FAM81A: variants seen among roughly 807,000 people sequenced by gnomAD.
The protein encoded by FAM81A is protein FAM81A.
A neutral mutation model predicts 46.7 loss-of-function variants in FAM81A; 19 were observed. That is an observed-to-expected ratio of 0.41 (90% CI 0.28 to 0.60). The LOEUF (loss-of-function observed/expected upper bound fraction) is 0.60, where lower values mean the gene tolerates loss of function less well. FAM81A is among the 20% of genes least tolerant of loss of function. The pLI, the probability that FAM81A is intolerant of heterozygous loss-of-function variation, is 0.34. For missense variants in FAM81A, 377 were observed against 453.5 expected, an observed-to-expected ratio of 0.83 and a Z score of 1.53; for synonymous variants, 183 against 152.9, an observed-to-expected ratio of 1.20 and a Z score of -1.45.
rs796163877 is a variant in FAM81A at position 59,421,729 on chromosome 15, G to GTCTATCTATCTA, written c.-78+19375_-78+19386dup. On this transcript the variant is annotated intron_variant, in intron 2 of 4. Transcript: ENST00000558348. ...AAACTATCTATCTGTCTGTCTGTCT[G>GTCTATCTATCTA]TCTATCTATCTATCTGTCTATCTAT... Among the ~76,000 whole-genome samples the GTCTATCTATCTA allele has an allele frequency of 7.4e-4, 96 of 128,970 alleles. 2 individuals are homozygous for GTCTATCTATCTA. The highest frequency in any genetic ancestry group is 1.1e-3 in the African/African-American group (35 of 31,494). The allele number at this position is 128,970 out of a possible 152,430, so 84.6% of individuals were successfully genotyped here. A position where few individuals can be genotyped will look rare whatever the true frequency, so the allele number is the denominator to read the frequency against.
chr15:59,472,181 C>G (rs1057294061), intron 3 of FAM81A, among the ~76,000 whole-genome samples: 16 of 152,066 alleles, frequency 1.1e-4, no homozygotes, highest in African/African-American at 3.9e-4. Flanking sequence ...GAATTTAAAA[C>G]CTGAGCAGGC....
intron 1 of FAM81A, among the ~76,000 whole-genome samples, chr15:59,449,237 A>G (rs1233921767): frequency 6.6e-6 from 1 of 151,818 alleles, no homozygotes; most frequent in East Asian, 1.9e-4. Context: ...TCCCCTTTGA[A>G]CTCTTGGTTT....
At chr15:59,477,045 A>G (rs1596506492) in intron 3 of FAM81A, among the ~76,000 whole-genome samples, 2 of 149,786 alleles carry the variant, frequency 1.3e-5, no homozygotes, top group South Asian at 2.2e-4. Flanking sequence ...ACTTGAACCC[A>G]GGAGGCGGAG....
At chr15:59,443,814 T>C (rs776187561) in intron 1 of FAM81A, among the ~76,000 whole-genome samples, 32 of 152,292 alleles carry the variant, frequency 2.1e-4, no homozygotes, top group East Asian at 1.9e-4. Flanking sequence ...GGGGCAGTTA[T>C]GGAGTGAAGG....
At chr15:59,520,563 A>ATTTTTTTTTTTTTTTTTTTTTTTTTT (rs71119482) in intron 8 of FAM81A, among the ~76,000 whole-genome samples, 1 of 122,250 alleles carries the variant, frequency 8.2e-6, no homozygotes, top group Non-Finnish European at 1.8e-5. Flanking sequence ...TGTTTGCTTC[A>ATTTTTTTTTTTTTTTTTTTTTTTTTT]TTTTTTTTTT....
chr15:59,472,067 AT>A (rs1475879076), intron 3 of FAM81A, among the ~76,000 whole-genome samples: 1 of 152,152 alleles, frequency 6.6e-6, no homozygotes, highest in Admixed American at 6.5e-5. Flanking sequence ...CTTTCATTGA[AT>A]ACAAACTGGG....
chr15:59,450,100 T>TTTC (rs2081400690), intron 1 of FAM81A, among the ~76,000 whole-genome samples: 1 of 48,164 alleles, frequency 2.1e-5, no homozygotes, highest in African/African-American at 1.5e-4. Flanking sequence ...TTTTTCTTTC[T>TTTC]TTCTTTTTTT....
intron 2 of FAM81A, among the ~76,000 whole-genome samples, chr15:59,423,972 G>C (rs1289078916): frequency 6.6e-6 from 1 of 152,000 alleles, no homozygotes; most frequent in Non-Finnish European, 1.5e-5. Flanking sequence ...CTTCCCATTT[G>C]TCTGCTCCTT....
intron 1 of FAM81A, among the ~76,000 whole-genome samples, chr15:59,450,270 C>T (rs76309758): frequency 0.01 from 1,531 of 152,162 alleles, 16 homozygotes; most frequent in Admixed American, 0.017. Context: ...TCTTTCATTG[C>T]ATGAATATAT....
intron 3 of FAM81A, among the ~76,000 whole-genome samples, chr15:59,475,368 C>T (rs1452195979): frequency 2.6e-5 from 4 of 152,156 alleles, no homozygotes; most frequent in African/African-American, 9.7e-5. Flanking sequence ...TCTTGAGCTC[C>T]TGTCCTCAAG....
intron 3 of FAM81A, among the ~76,000 whole-genome samples, chr15:59,467,845 T>A (rs1484090421): frequency 6.6e-6 from 1 of 152,224 alleles, no homozygotes; most frequent in Non-Finnish European, 1.5e-5. Context: ...GCTGTGGGTT[T>A]GTCATAAAAT....
intron 6 of FAM81A, among the ~76,000 whole-genome samples, chr15:59,513,891 C>A (rs2141835344): frequency 6.6e-6 from 1 of 152,266 alleles, no homozygotes; most frequent in Middle Eastern, 3.4e-3. Flanking sequence ...GAATACTGTG[C>A]AACCATAAAA....
At chr15:59,508,601 T>G (rs1264758006) in intron 5 of FAM81A, among the ~76,000 whole-genome samples, 1 of 152,192 alleles carries the variant, frequency 6.6e-6, no homozygotes, top group Admixed American at 6.5e-5. Flanking sequence ...TGGGTAGGAA[T>G]TGGGCTTGCT....
chr15:59,480,261 T>G (rs2081832971), intron 3 of FAM81A, among the ~76,000 whole-genome samples: 1 of 152,182 alleles, frequency 6.6e-6, no homozygotes, highest in African/African-American at 2.4e-5. Flanking sequence ...TCTAGGTGAT[T>G]TGAAATTATA....
chr15:59,426,788 T>C (rs2081196930), intron 2 of FAM81A, among the ~76,000 whole-genome samples: 1 of 152,030 alleles, frequency 6.6e-6, no homozygotes, highest in Admixed American at 6.6e-5. Flanking sequence ...CACATACACT[T>C]CCCCCCTAAG....
At chr15:59,497,041 G>A (rs772033555) in intron 4 of FAM81A, among the ~76,000 whole-genome samples, 13 of 151,576 alleles carry the variant, frequency 8.6e-5, no homozygotes, top group South Asian at 6.2e-4. Flanking sequence ...CAGGAGAATC[G>A]CTTGAACCTA....
At chr15:59,414,508 T>C (rs2081137151) in intron 2 of FAM81A, among the ~76,000 whole-genome samples, 1 of 152,186 alleles carries the variant, frequency 6.6e-6, no homozygotes, top group African/African-American at 2.4e-5. Flanking sequence ...GTAGGCAATT[T>C]AGGAGAGAGT....
At chr15:59,504,549 A>G (rs1283034979) in intron 4 of FAM81A, among the ~76,000 whole-genome samples, 4 of 152,208 alleles carry the variant, frequency 2.6e-5, no homozygotes, top group African/African-American at 7.2e-5. Context: ...AGAGTCAATA[A>G]TAAGTTTACC....
chr15:59,474,349 G>C (rs558881946), intron 3 of FAM81A, among the ~76,000 whole-genome samples: 1 of 152,278 alleles, frequency 6.6e-6, no homozygotes, highest in South Asian at 2.1e-4. Context: ...TGGAGGCTGG[G>C]AAGTCCAAGC....
Sources: allele counts gnomAD v4.1 joint callset (sites outside exome capture counted in the v4.1 genomes callset), GRCh38; gene constraint gnomAD v4.1.1; transcripts MANE v1.5; gene names NCBI Gene and HGNC (gene_info 2026-07-23, HGNC 2026-07-21).